The following KCNMB2 variants were observed in gnomAD, a reference collection of about 807,000 sequenced individuals.
KCNMB2 encodes calcium-activated potassium channel subunit beta-2.
A neutral mutation model predicts 24.5 loss-of-function variants in KCNMB2; 9 were observed. The ratio of observed to expected loss-of-function variants is 0.37; its 90% CI spans 0.22 to 0.64. The LOEUF is 0.64. KCNMB2 is among the 30% of genes least tolerant of loss of function. KCNMB2 has a pLI of 0.63. For synonymous variants in KCNMB2, 109 were observed against 104.4 expected, an observed-to-expected ratio of 1.04 and a Z score of -0.27; for missense variants, 226 against 284.3, an observed-to-expected ratio of 0.79 and a Z score of 1.47.
At chr3:178,586,322 C>A (rs534962345) in intron 1 of KCNMB2, among the ~76,000 whole-genome samples, 3 of 151,840 alleles carry the variant, frequency 2.0e-5, no homozygotes, top group African/African-American at 7.2e-5. Context: ...TGATATGCCA[C>A]TGGACAGGAA....
chr3:178,749,271 C>T (rs1457030051), intron 1 of KCNMB2: 1 of 152,116 alleles, frequency 6.6e-6, no homozygotes, highest in Non-Finnish European at 1.5e-5. Context: ...AATGTTATTG[C>T]TTTCCTTTCT....
At chr3:178,544,714 A>G (rs571409533) in intron 1 of KCNMB2, among the ~76,000 whole-genome samples, 3 of 152,178 alleles carry the variant, frequency 2.0e-5, no homozygotes, top group Non-Finnish European at 4.4e-5. Flanking sequence ...AAACTCCAAA[A>G]GATTCTGGAC....
chr3:178,709,408 A>G (rs1722381313), intron 1 of KCNMB2, among the ~76,000 whole-genome samples: 1 of 152,222 alleles, frequency 6.6e-6, no homozygotes, highest in African/African-American at 2.4e-5. Context: ...AGGCTATGGC[A>G]AAGTATTGAA....
intron 4 of KCNMB2, among the ~76,000 whole-genome samples, chr3:178,834,461 T>C (rs996097479): frequency 6.6e-6 from 1 of 150,866 alleles, no homozygotes; most frequent in Non-Finnish European, 1.5e-5. Context: ...GATAGATATT[T>C]TGGTGAACAG....
chr3:178,812,988 G>A (rs756727548), intron 2 of KCNMB2, among the ~76,000 whole-genome samples: 8 of 151,848 alleles, frequency 5.3e-5, no homozygotes, highest in East Asian at 1.9e-4. Context: ...CACACCTATC[G>A]CACTTCCCAA....
In KCNMB2 at chr3:178,640,308, G is replaced by T. The variant is rs1719677220; in HGVS notation, c.-68+103597G>T. Among the ~76,000 whole-genome samples the T allele has an allele frequency of 2.0e-5, 3 of 152,142 alleles. No homozygotes were observed. The South Asian group carries it at 6.2e-4, about 31-fold the overall frequency. ...AGGAAGCATGGCTGGGAGGCCTCAGGAAACTTACAATCACAGCAGAAGGCA... is the reference window on the plus strand; with the variant it reads ...AGGAAGCATGGCTGGGAGGCCTCAGTAAACTTACAATCACAGCAGAAGGCA... On this transcript the variant is annotated intron_variant, in intron 1 of 4. Transcript: ENST00000452583.
intron 1 of KCNMB2, among the ~76,000 whole-genome samples, chr3:178,606,156 C>G (rs1000486831): frequency 6.6e-6 from 1 of 152,120 alleles, no homozygotes; most frequent in Non-Finnish European, 1.5e-5. Flanking sequence ...CTTATAGATA[C>G]GTTTTATAGT....
chr3:178,676,014 C>T (rs1160589656), intron 1 of KCNMB2, among the ~76,000 whole-genome samples: 2 of 152,194 alleles, frequency 1.3e-5, no homozygotes, highest in Admixed American at 6.5e-5. Context: ...AAAGGTTAAT[C>T]AGCTTGCCTA....
At chr3:178,667,075 T>C (rs1461000858) in intron 1 of KCNMB2, among the ~76,000 whole-genome samples, 1 of 152,210 alleles carries the variant, frequency 6.6e-6, no homozygotes, top group Non-Finnish European at 1.5e-5. Flanking sequence ...TTTTTATTGT[T>C]ATATTTATTT....
Position 178,807,477 on chromosome 3 carries a change from G to C in KCNMB2, c.56+12G>C, listed in dbSNP as rs1390721971. 1.9e-6 allele frequency: 3 copies of C among 1,611,370 alleles called. No individual in the cohort carries two copies. In the East Asian group the frequency reaches 6.7e-5, roughly 36 times the overall value. ...CATGATGAAAAAAGGTAAATGCACT[G>C]GGATTCTGGGCACTTTTCAGAAGCA... On this transcript the variant is annotated intron_variant, in intron 2 of 4. Coordinates refer to ENST00000452583, the MANE Select transcript of KCNMB2 (RefSeq NM_181361.3).
At chr3:178,692,340 T>C (rs1311281416) in intron 1 of KCNMB2, among the ~76,000 whole-genome samples, 2 of 152,252 alleles carry the variant, frequency 1.3e-5, no homozygotes, top group Non-Finnish European at 2.9e-5. Flanking sequence ...TTGAATGGTA[T>C]TGCCTAGGCT....
chr3:178,812,343 C>T (rs1397643391), intron 2 of KCNMB2, among the ~76,000 whole-genome samples: 5 of 150,406 alleles, frequency 3.3e-5, no homozygotes, highest in South Asian at 2.1e-4. Context: ...CCCATTAACT[C>T]GTCATTTAGC....
chr3:178,711,412 C>T (rs896562950), intron 1 of KCNMB2, among the ~76,000 whole-genome samples: 1 of 152,140 alleles, frequency 6.6e-6, no homozygotes, highest in Non-Finnish European at 1.5e-5. Flanking sequence ...AAAACTTCTA[C>T]CATACCCATC....
intron 1 of KCNMB2, among the ~76,000 whole-genome samples, chr3:178,804,842 A>T (rs1713903363): frequency 6.6e-6 from 1 of 152,258 alleles, no homozygotes. Context: ...ATTCCACCAG[A>T]GTCCAAGTTG....
chr3:178,843,125 ATAAC>A lies in KCNMB2; in HGVS notation c.*190_*193del, dbSNP rs968003155. Reference sequence around the variant, plus strand: ...ATGTCTTTATTATTCAGGAGAATAAATAACTGTTTTGTGTTGGTTGGTGGTTTTC... The same window carrying A: ...ATGTCTTTATTATTCAGGAGAATAAATGTTTTGTGTTGGTTGGTGGTTTTC... On this transcript the variant is annotated 3_prime_UTR_variant, in exon 5 of 5. Coordinates refer to ENST00000452583, the MANE Select transcript of KCNMB2 (RefSeq NM_181361.3). 23 of 672,906 alleles carry A rather than the reference ATAAC, an allele frequency of 3.4e-5. No homozygotes were observed. The highest frequency in any genetic ancestry group is 6.0e-5 in the Non-Finnish European group (22 of 369,516). The allele number at this position is 672,906 out of a possible 1,614,324, so 41.7% of individuals were successfully genotyped here. A position where few individuals can be genotyped will look rare whatever the true frequency, so the allele number is the denominator to read the frequency against.
At chr3:178,748,815 CT>C (rs1723751822) in intron 1 of KCNMB2, among the ~76,000 whole-genome samples, 1 of 152,274 alleles carries the variant, frequency 6.6e-6, no homozygotes, top group Admixed American at 6.5e-5. Context: ...GACTTTGTGT[CT>C]TGGTGACCTA....
At chr3:178,619,362 G>T (rs913210636) in intron 1 of KCNMB2, among the ~76,000 whole-genome samples, 1 of 152,028 alleles carries the variant, frequency 6.6e-6, no homozygotes, top group Non-Finnish European at 1.5e-5. Context: ...TTTTGATCAA[G>T]GAAATAAAAA....
In KCNMB2 at chr3:178,587,602, G is replaced by GT. The variant is rs1471367002; in HGVS notation, c.-68+50906dup. ...CCACACCCGGCTAATTTTTTGGGTGGTTTTTTTTTTTTTTTGTATTTTTAG... is the reference window on the plus strand; with the variant it reads ...CCACACCCGGCTAATTTTTTGGGTGGTTTTTTTTTTTTTTTTGTATTTTTAG... On this transcript the variant is annotated intron_variant, in intron 1 of 4. Coordinates refer to ENST00000452583, the MANE Select transcript of KCNMB2 (RefSeq NM_181361.3). Among the ~76,000 whole-genome samples, 69 of 143,270 alleles carry GT rather than the reference G, an allele frequency of 4.8e-4. 1 individual carries two copies. Among genetic ancestry groups the GT allele is most frequent in the South Asian group, 4.4e-4 (2 of 4,592 alleles). 94.0% of individuals were successfully genotyped at this position (143,270 alleles called of 152,430 possible). A position where few individuals can be genotyped will look rare whatever the true frequency, so the allele number is the denominator to read the frequency against.
chr3:178,668,287 G>A (rs1577084190), intron 1 of KCNMB2, among the ~76,000 whole-genome samples: 1 of 152,106 alleles, frequency 6.6e-6, no homozygotes. Flanking sequence ...TTGCTCAGAG[G>A]GTCCAAGGCA....
Sources: allele counts gnomAD v4.1 joint callset (sites outside exome capture counted in the v4.1 genomes callset), GRCh38; gene constraint gnomAD v4.1.1; transcripts MANE v1.5; gene names NCBI Gene and HGNC (gene_info 2026-07-23, HGNC 2026-07-21).